TRPM3: variants seen among roughly 807,000 people sequenced by gnomAD.
TRPM3 encodes transient receptor potential cation channel subfamily M member 3.
A neutral mutation model predicts 181.2 loss-of-function variants in TRPM3; 77 were observed. That is an observed-to-expected ratio of 0.42 (90% confidence interval 0.35 to 0.51). The LOEUF is 0.51. Ranked by LOEUF, TRPM3 falls within the 20% of genes least tolerant of loss-of-function variation. The pLI is 0.01. For missense variants in TRPM3, 1,759 were observed against 2,196.7 expected (o/e 0.80, Z 3.98); for synonymous variants, 745 against 796.4 (o/e 0.94, Z 1.09).
intron 1 of TRPM3, among the ~76,000 whole-genome samples, chr9:71,117,575 G>A (rs2072690709): frequency 6.6e-6 from 1 of 151,928 alleles, no homozygotes; most frequent in African/African-American, 2.4e-5. Context: ...TCATTTTAAA[G>A]AAGACATCAA....
At position 70,553,131 on chromosome 9, in the gene TRPM3, ATCCCACGTGC is replaced by A. The variant is rs779602726; in HGVS notation, c.3374+19_3374+28del. On this transcript the variant is annotated intron_variant, in intron 23 of 25. Coordinates refer to ENST00000677713, the MANE Select transcript of TRPM3 (RefSeq NM_001366145.2). ...CCCTTCACCCCTGCTGTCCTCATCCATCCCACGTGCTCCAAAGGACCCACTTACTTAAAGA... is the reference window on the plus strand; with the variant it reads ...CCCTTCACCCCTGCTGTCCTCATCCATCCAAAGGACCCACTTACTTAAAGA... The A allele has an allele frequency of 6.2e-7, 1 of 1,614,054 alleles. No individual in the cohort carries two copies. The highest frequency in any genetic ancestry group is 8.5e-7 in the Non-Finnish European group (1 of 1,179,914).
chr9:70,790,344 TGA>T (rs2085070741), intron 6 of TRPM3, among the ~76,000 whole-genome samples: 1 of 152,288 alleles, frequency 6.6e-6, no homozygotes, highest in African/African-American at 2.4e-5. Flanking sequence ...GCACTTTAAG[TGA>T]GAGATAACTT....
At chr9:70,597,266 C>T (rs1432781753) in intron 21 of TRPM3, among the ~76,000 whole-genome samples, 1 of 151,952 alleles carries the variant, frequency 6.6e-6, no homozygotes. Context: ...TCACCAGTGT[C>T]TCACTGTGCT....
intron 1 of TRPM3, among the ~76,000 whole-genome samples, chr9:71,182,607 A>C (rs1587825074): frequency 6.6e-6 from 1 of 152,164 alleles, no homozygotes; most frequent in South Asian, 2.1e-4. Flanking sequence ...CAAATTCAAC[A>C]TAATAAAACA....
intron 9 of TRPM3, among the ~76,000 whole-genome samples, chr9:70,656,822 G>C (rs559379284): frequency 1.3e-5 from 2 of 151,888 alleles, no homozygotes; most frequent in Non-Finnish European, 1.5e-5. Flanking sequence ...TTCTAAAAAG[G>C]TGAACAATTT....
At chr9:71,352,426 G>C (rs573990548) in intron 1 of TRPM3, among the ~76,000 whole-genome samples, 127 of 152,128 alleles carry the variant, frequency 8.3e-4, no homozygotes, top group African/African-American at 2.9e-3. Context: ...ATGTCACTGA[G>C]GTTATTGAAA....
At chr9:71,386,117 C>T (rs146973302) in intron 1 of TRPM3, among the ~76,000 whole-genome samples, 236 of 152,118 alleles carry the variant, frequency 1.6e-3, no homozygotes, top group African/African-American at 5.4e-3. Context: ...CTAGCTCAGT[C>T]GACAGAAAGA....
At chr9:70,831,996 T>C (rs2093962375) in intron 5 of TRPM3, among the ~76,000 whole-genome samples, 1 of 123,670 alleles carries the variant, frequency 8.1e-6, no homozygotes, top group African/African-American at 3.3e-5. Context: ...TATATATATA[T>C]ACCTACTATG....
At chr9:70,668,619 C>G (rs1188298653) in intron 9 of TRPM3, among the ~76,000 whole-genome samples, 1 of 136,614 alleles carries the variant, frequency 7.3e-6, no homozygotes, top group South Asian at 2.4e-4. Flanking sequence ...GAGCCGAGAT[C>G]GCGCCACTGC....
chr9:71,420,999 A>AAGAGAGAGAAAG lies in TRPM3; in HGVS notation c.183+25653_183+25654insCTTTCTCTCTCT. Among the ~76,000 whole-genome samples the AAGAGAGAGAAAG allele has an allele frequency of 2.7e-5, 3 of 111,124 alleles. No homozygotes were observed. The South Asian group carries it at 8.8e-4, about 33-fold the overall frequency. 72.9% of individuals were successfully genotyped at this position (111,124 alleles called of 152,430 possible). On this transcript the variant is annotated intron_variant, in intron 1 of 24. Coordinates refer to the TRPM3 transcript ENST00000357533. ...AAAGAGAGAGAAAAAGAGAGAGAAA[A>AAGAGAGAGAAAG]AGAGAGAAAAAGAGAGAAAAAGAGA...
chr9:70,856,000 T>C (rs1307610127), intron 3 of TRPM3, among the ~76,000 whole-genome samples: 1 of 152,214 alleles, frequency 6.6e-6, no homozygotes, highest in Non-Finnish European at 1.5e-5. Context: ...TTGCAATGTC[T>C]TAATATGAGA....
chr9:71,353,650 CTTA>C (rs767514075), intron 1 of TRPM3, among the ~76,000 whole-genome samples: 3 of 152,148 alleles, frequency 2.0e-5, no homozygotes, highest in Non-Finnish European at 1.5e-5. Flanking sequence ...GAATGTGTTT[CTTA>C]TTATCCTTGA....
At chr9:70,690,184 C>A (rs1308501220) in intron 8 of TRPM3, among the ~76,000 whole-genome samples, 1 of 152,156 alleles carries the variant, frequency 6.6e-6, no homozygotes, top group African/African-American at 2.4e-5. Flanking sequence ...ACTCTACAAT[C>A]ATTTCATGCT....
chr9:70,944,457 G>A (rs948686623), intron 1 of TRPM3, among the ~76,000 whole-genome samples: 21 of 151,834 alleles, frequency 1.4e-4, no homozygotes, highest in African/African-American at 2.2e-4. Context: ...TTCTTTTTCC[G>A]CTCCTTTCTT....
intron 1 of TRPM3, among the ~76,000 whole-genome samples, chr9:71,334,143 AG>A (rs1287130535): frequency 6.6e-6 from 1 of 151,800 alleles, no homozygotes; most frequent in Non-Finnish European, 1.5e-5. Context: ...AAAGGTAAGA[AG>A]CTCTGGTACA....
intron 1 of TRPM3, among the ~76,000 whole-genome samples, chr9:71,193,555 T>C (rs2078160601): frequency 6.6e-6 from 1 of 151,880 alleles, no homozygotes; most frequent in South Asian, 2.1e-4. Flanking sequence ...CTAACTCCCT[T>C]TATATCTCCA....
chr9:71,432,323 CTTTTT>C (rs67905820), intron 1 of TRPM3, among the ~76,000 whole-genome samples: 2 of 76,620 alleles, frequency 2.6e-5, no homozygotes, highest in African/African-American at 4.8e-5. Flanking sequence ...AAAAGTAGGA[CTTTTT>C]TTTTTTTTTT....
intron 1 of TRPM3, among the ~76,000 whole-genome samples, chr9:70,961,445 T>C (rs2133823838): frequency 6.6e-6 from 1 of 152,304 alleles, no homozygotes; most frequent in East Asian, 1.9e-4. Context: ...ACTCATCTTC[T>C]ACCTGTCTCT....
At chr9:71,312,522 T>A (rs1166759185) in intron 1 of TRPM3, among the ~76,000 whole-genome samples, 1 of 152,134 alleles carries the variant, frequency 6.6e-6, no homozygotes, top group East Asian at 1.9e-4. Context: ...ATACTCTTAA[T>A]ATACAACCCA....
Sources: allele counts gnomAD v4.1 joint callset (sites outside exome capture counted in the v4.1 genomes callset), GRCh38; gene constraint gnomAD v4.1.1; transcripts MANE v1.5; gene names NCBI Gene and HGNC (gene_info 2026-07-23, HGNC 2026-07-21).